STIM1: variants seen among roughly 807,000 people sequenced by gnomAD.
The protein encoded by STIM1 is stromal interaction molecule 1.
STIM1 carries 25 observed loss-of-function variants against 74.7 expected under a neutral mutation model. The observed-to-expected ratio is 0.33, with a 90% CI of 0.24 to 0.47. The LOEUF (loss-of-function observed/expected upper bound fraction) is 0.47, where lower values mean the gene tolerates loss of function less well. Among genes scored for constraint, STIM1 ranks in the 20% least tolerant of loss-of-function variants. STIM1 has a pLI of 1.00. For missense variants in STIM1, 728 were observed against 920.8 expected (o/e 0.79, Z 2.71); for synonymous variants, 328 against 348.8 (o/e 0.94, Z 0.66).
At chr11:3,881,360 ATTATT>A (rs1249612810) in intron 1 of STIM1, among the ~76,000 whole-genome samples, 2 of 151,804 alleles carry the variant, frequency 1.3e-5, no homozygotes, top group Non-Finnish European at 2.9e-5. Flanking sequence ...TGATCATATG[ATTATT>A]TTATTTTATT....
rs1479686731 is a variant in STIM1, at chr11:3,895,737, TTTCTTTCTTCCTTCCTTCCTTC to T, written c.139+39329_139+39350del. On this transcript the variant is annotated intron_variant, in intron 1 of 12. Coordinates refer to ENST00000526596, the MANE Select transcript of STIM1 (RefSeq NM_001382567.1). ...TTCTTTCTTTCTTTCTTTCTTTCTTTTTCTTTCTTCCTTCCTTCCTTCCTTCCTTCCTTCCTTCCTTCCTTCC... is the reference window on the plus strand; with the variant it reads ...TTCTTTCTTTCTTTCTTTCTTTCTTTCTTCCTTCCTTCCTTCCTTCCTTCC... 2.5e-3 allele frequency among the ~76,000 whole-genome samples: 74 copies of T among 29,958 alleles called. 10 individuals are homozygous for T. The highest frequency in any genetic ancestry group is 0.016 in the East Asian group (20 of 1,266). The allele number at this position is 29,958 out of a possible 152,430, so 19.7% of individuals were successfully genotyped here. A position where few individuals can be genotyped will look rare whatever the true frequency, so the allele number is the denominator to read the frequency against.
rs577549585 is a variant in STIM1 at position 4,090,133 on chromosome 11, T to C, written c.1635-1149T>C. 1.3e-4 allele frequency among the ~76,000 whole-genome samples: 20 copies of C among 152,330 alleles called. No homozygotes were observed. In the East Asian group the frequency reaches 3.7e-3, roughly 28 times the overall value. On this transcript the variant is annotated intron_variant, in intron 12 of 12. Transcript: ENST00000526596. Reference sequence around the variant, plus strand: ...AAGCCTCTTGCGACCGGCCCGTACATAGGCCTTTCAGCTTGGCAGGCCTCA... The same window carrying C: ...AAGCCTCTTGCGACCGGCCCGTACACAGGCCTTTCAGCTTGGCAGGCCTCA...
intron 1 of STIM1, among the ~76,000 whole-genome samples, chr11:3,871,655 TTTTTCA>T (rs1430939464): frequency 8.5e-5 from 13 of 152,204 alleles, no homozygotes; most frequent in African/African-American, 3.1e-4. Flanking sequence ...TCTTGAAACT[TTTTTCA>T]TTTTCTTCCC....
chr11:4,006,879 G>T (rs1298556614), intron 2 of STIM1, among the ~76,000 whole-genome samples: 1 of 152,122 alleles, frequency 6.6e-6, no homozygotes, highest in Non-Finnish European at 1.5e-5. Flanking sequence ...GGAAAGGGGA[G>T]GGAAGTGTTA....
intron 3 of STIM1, among the ~76,000 whole-genome samples, chr11:4,051,486 G>A (rs2094241083): frequency 6.6e-6 from 1 of 151,854 alleles, no homozygotes; most frequent in South Asian, 2.1e-4. Flanking sequence ...GGGACTACAG[G>A]CATGCACCAC....
rs1182094823 is a variant in STIM1, at chr11:3,972,597, A to G, written c.270+4915A>G. Among the ~76,000 whole-genome samples the G allele has an allele frequency of 7.9e-5, 12 of 152,356 alleles. No individual in the cohort carries two copies. In the Middle Eastern group the frequency reaches 0.014, roughly 173 times the overall value. On this transcript the variant is annotated intron_variant, in intron 2 of 12. Transcript: ENST00000526596. ...TTACATTTTCCACAGAAAAGAAACT[A>G]AAATAACCTGTTATACAATTAGTCA... is the stretch of plus-strand genomic sequence containing the variant.
intron 1 of STIM1, among the ~76,000 whole-genome samples, chr11:3,873,611 T>C (rs2091210150): frequency 6.6e-6 from 1 of 151,974 alleles, no homozygotes; most frequent in Non-Finnish European, 1.5e-5. Context: ...CTTTTTAGTA[T>C]GGATTAGGTT....
chr11:4,057,390 G>A (rs2094298078), intron 4 of STIM1, among the ~76,000 whole-genome samples: 1 of 152,190 alleles, frequency 6.6e-6, no homozygotes, highest in Non-Finnish European at 1.5e-5. Context: ...TGGCACCTTA[G>A]TGACAGCAGG....
chr11:3,942,388 G>T (rs1475449726), intron 1 of STIM1, among the ~76,000 whole-genome samples: 1 of 152,172 alleles, frequency 6.6e-6, no homozygotes, highest in East Asian at 1.9e-4. Context: ...TTGTAAACTT[G>T]TAAGTCCCAT....
intron 4 of STIM1, among the ~76,000 whole-genome samples, chr11:4,056,213 A>G (rs2094288929): frequency 6.6e-6 from 1 of 152,190 alleles, no homozygotes. Flanking sequence ...GGAGAGGCTG[A>G]TTGCCATTGG....
chr11:3,890,176 C>T (rs2091852899), intron 1 of STIM1, among the ~76,000 whole-genome samples: 1 of 152,116 alleles, frequency 6.6e-6, no homozygotes, highest in South Asian at 2.1e-4. Flanking sequence ...TCACGCTTAC[C>T]CTCTCTGGAC....
intron 1 of STIM1, among the ~76,000 whole-genome samples, chr11:3,894,911 T>TTTC: frequency 6.7e-6 from 1 of 148,672 alleles, no homozygotes; most frequent in East Asian, 2.0e-4. Flanking sequence ...GCTAATTTTT[T>TTTC]TTTTTTTTTT....
intron 3 of STIM1, among the ~76,000 whole-genome samples, chr11:4,045,557 C>T (rs1156836699): frequency 6.6e-6 from 1 of 151,790 alleles, no homozygotes; most frequent in African/African-American, 2.4e-5. Context: ...TTACGTGATC[C>T]TCCCACCTCA....
At chr11:3,868,168 C>T (rs944755623) in intron 1 of STIM1, 8 of 138,056 alleles carry the variant, frequency 5.8e-5, no homozygotes, top group African/African-American at 2.3e-4. Flanking sequence ...TTGTGGAGGT[C>T]TTGTTTCAAG....
chr11:3,992,081 G>GT lies in STIM1; in HGVS notation c.270+24406dup, dbSNP rs1554963559. ...TTTCTCTGCAGCCTTGCCAACATCTGTTTTTTTGTTTTTTTTTTTTTTTTT... is the reference window on the plus strand; with the variant it reads ...TTTCTCTGCAGCCTTGCCAACATCTGTTTTTTTTGTTTTTTTTTTTTTTTTT... On this transcript the variant is annotated intron_variant, in intron 2 of 12. Transcript: ENST00000526596. 5.3e-4 allele frequency among the ~76,000 whole-genome samples: 49 copies of GT among 91,978 alleles called. 4 individuals are homozygous for GT. Among genetic ancestry groups the GT allele is most frequent in the East Asian group, 1.3e-3 (4 of 3,106 alleles). 60.3% of individuals were successfully genotyped at this position (91,978 alleles called of 152,430 possible). A position where few individuals can be genotyped will look rare whatever the true frequency, so the allele number is the denominator to read the frequency against.
chr11:3,937,973 G>C (rs943061839), intron 1 of STIM1, among the ~76,000 whole-genome samples: 1 of 143,514 alleles, frequency 7.0e-6, no homozygotes, highest in Non-Finnish European at 1.5e-5. Context: ...TTGCTTTGTT[G>C]CCCAGGCTGC....
intron 1 of STIM1, among the ~76,000 whole-genome samples, chr11:3,958,379 T>A (rs2093243559): frequency 6.6e-6 from 1 of 152,030 alleles, no homozygotes; most frequent in South Asian, 2.1e-4. Flanking sequence ...GAATCTGTAG[T>A]GATTTGTGTT....
intron 1 of STIM1, among the ~76,000 whole-genome samples, chr11:3,886,315 G>A (rs561614215): frequency 1.3e-3 from 193 of 152,280 alleles, no homozygotes; most frequent in African/African-American, 4.4e-3. Flanking sequence ...AAAAACTTGA[G>A]GGAAGTTGAT....
intron 1 of STIM1, among the ~76,000 whole-genome samples, chr11:3,891,106 ATATT>A (rs2091881111): frequency 6.6e-6 from 1 of 152,208 alleles, no homozygotes; most frequent in Admixed American, 6.5e-5. Context: ...GTACAATTAC[ATATT>A]TATTTAATTC....
Sources: gnomAD v4.1 joint callset for allele counts (sites outside exome capture counted in the v4.1 genomes callset) on GRCh38, gnomAD v4.1.1 for gene constraint, MANE v1.5 for transcripts, NCBI Gene and HGNC (gene_info 2026-07-23, HGNC 2026-07-21) for gene names.